ANKS1B: variants seen among roughly 807,000 people sequenced by gnomAD.
ANKS1B encodes the protein ankyrin repeat and sterile alpha motif domain containing 1B.
Under a neutral mutation model 148.3 loss-of-function variants are expected in ANKS1B, and 36 were observed. That is an observed-to-expected ratio of 0.24 (90% confidence interval 0.19 to 0.32). The LOEUF is 0.32. Among genes scored for constraint, ANKS1B ranks in the 10% least tolerant of loss-of-function variants. ANKS1B has a pLI of 1.00. For synonymous variants in ANKS1B, 542 were observed against 560.8 expected (o/e 0.97, Z 0.47); for missense variants, 1,157 against 1,542.6 (o/e 0.75, Z 4.19).
chr12:98,927,591 C>T (rs1403605318), intron 17 of ANKS1B, among the ~76,000 whole-genome samples: 9 of 150,846 alleles, frequency 6.0e-5, no homozygotes, highest in Non-Finnish European at 1.2e-4. Flanking sequence ...ATCATCCAGC[C>T]CAAAATGTCA....
chr12:99,499,535 T>A (rs2096635885), intron 10 of ANKS1B, among the ~76,000 whole-genome samples: 1 of 152,162 alleles, frequency 6.6e-6, no homozygotes. Flanking sequence ...TTAAATTCCC[T>A]CCACTTAAAT....
chr12:98,784,307 T>C (rs1319448157), intron 22 of ANKS1B, among the ~76,000 whole-genome samples: 1 of 151,694 alleles, frequency 6.6e-6, no homozygotes, highest in Non-Finnish European at 1.5e-5. Flanking sequence ...GAAGATGAAA[T>C]CCCAAGGGGT....
intron 8 of ANKS1B, among the ~76,000 whole-genome samples, chr12:99,734,092 T>C (rs1365939235): frequency 6.6e-6 from 1 of 152,188 alleles, no homozygotes; most frequent in Non-Finnish European, 1.5e-5. Context: ...TGCCTCCAAT[T>C]TCTCAGCGAA....
In ANKS1B at chr12:99,902,960, T is replaced by G. The variant is rs528599181; in HGVS notation, c.135-77571A>C. On this transcript the variant is annotated intron_variant, in intron 1 of 26. Transcript: ENST00000683438. The stretch of plus-strand genomic sequence containing the variant: ...GCTGTTGTTGTTTTTAGAGACAGGG[T>G]TCGCCATGTTAGCCAGGCTGGTCTC... Among the ~76,000 whole-genome samples the G allele has an allele frequency of 3.4e-4, 52 of 151,966 alleles. 1 individual carries two copies. In the East Asian group the frequency reaches 9.7e-3, roughly 28 times the overall value.
At chr12:99,915,379 T>G (rs1176992057) in intron 1 of ANKS1B, among the ~76,000 whole-genome samples, 1 of 152,056 alleles carries the variant, frequency 6.6e-6, no homozygotes, top group Non-Finnish European at 1.5e-5. Context: ...ACGTGGATGT[T>G]GAGGGTGCTG....
At chr12:98,964,576 GGATA>G (rs1189577514) in intron 17 of ANKS1B, among the ~76,000 whole-genome samples, 10 of 152,158 alleles carry the variant, frequency 6.6e-5, no homozygotes, top group African/African-American at 2.4e-4. Flanking sequence ...ACAGATGAAT[GGATA>G]AAGAAAATAT....
chr12:98,876,222 G>T (rs2099689332), intron 17 of ANKS1B, among the ~76,000 whole-genome samples: 1 of 152,126 alleles, frequency 6.6e-6, no homozygotes, highest in Non-Finnish European at 1.5e-5. Flanking sequence ...ACCACTGGTT[G>T]CCACAGGCAC....
intron 9 of ANKS1B, among the ~76,000 whole-genome samples, chr12:99,558,718 G>A (rs917560626): frequency 6.6e-6 from 1 of 152,144 alleles, no homozygotes; most frequent in African/African-American, 2.4e-5. Flanking sequence ...AGACAGAGGG[G>A]CACTCAGATT....
intron 9 of ANKS1B, among the ~76,000 whole-genome samples, chr12:99,556,307 T>C (rs2097275372): frequency 6.6e-6 from 1 of 152,168 alleles, no homozygotes; most frequent in Non-Finnish European, 1.5e-5. Context: ...TTGTGTTTAT[T>C]TGGATCTTCT....
chr12:99,301,240 G>A (rs187163415), intron 12 of ANKS1B, among the ~76,000 whole-genome samples: 1 of 152,286 alleles, frequency 6.6e-6, no homozygotes, highest in Admixed American at 6.5e-5. Context: ...TCTTTACTCA[G>A]TGTACTGATT....
intron 19 of ANKS1B, among the ~76,000 whole-genome samples, chr12:98,825,471 CAT>C (rs921129690): frequency 6.6e-6 from 1 of 152,006 alleles, no homozygotes; most frequent in Non-Finnish European, 1.5e-5. Context: ...GCATTCAAAA[CAT>C]AAAGATTTTA....
intron 8 of ANKS1B, among the ~76,000 whole-genome samples, chr12:99,666,860 GT>G (rs1567601209): frequency 3.2e-3 from 283 of 87,278 alleles, no homozygotes; most frequent in Non-Finnish European, 2.8e-3. Context: ...ACTATGGGGT[GT>G]GTGTGTGTGT....
intron 1 of ANKS1B, among the ~76,000 whole-genome samples, chr12:99,959,546 T>C (rs962866823): frequency 3.3e-5 from 5 of 152,284 alleles, no homozygotes; most frequent in Admixed American, 3.3e-4. Context: ...CAAAAAACTT[T>C]AACAGAGGTA....
intron 10 of ANKS1B, among the ~76,000 whole-genome samples, chr12:99,471,018 T>A (rs1190127767): frequency 6.6e-6 from 1 of 152,180 alleles, no homozygotes; most frequent in African/African-American, 2.4e-5. Flanking sequence ...TTACAATTTA[T>A]TTAGACATAC....
chr12:99,981,673 T>C (rs2095704258), intron 1 of ANKS1B, among the ~76,000 whole-genome samples: 1 of 152,132 alleles, frequency 6.6e-6, no homozygotes, highest in African/African-American at 2.4e-5. Context: ...TAAGTGACCA[T>C]GGGCAAGTCC....
At chr12:99,854,216 G>A (rs978675919) in intron 1 of ANKS1B, among the ~76,000 whole-genome samples, 3 of 152,128 alleles carry the variant, frequency 2.0e-5, no homozygotes, top group Non-Finnish European at 4.4e-5. Context: ...GTTTCACTGT[G>A]TTAGCCAGGA....
intron 9 of ANKS1B, 29 bp downstream of exon 9, chr12:99,655,038 A>T (rs761671096): frequency 2.6e-6 from 4 of 1,533,752 alleles, no homozygotes; most frequent in South Asian, 2.6e-5. Flanking sequence ...TTTTTGTTTT[A>T]TTGTACCTTA....
At chr12:98,934,523 T>A (rs1371548541) in intron 17 of ANKS1B, among the ~76,000 whole-genome samples, 1 of 152,150 alleles carries the variant, frequency 6.6e-6, no homozygotes, top group African/African-American at 2.4e-5. Context: ...GGAACTTTGA[T>A]AGGAATTGCA....
At chr12:99,406,084 A>G (rs2094525739) in intron 11 of ANKS1B, among the ~76,000 whole-genome samples, 1 of 145,644 alleles carries the variant, frequency 6.9e-6, no homozygotes, top group Non-Finnish European at 1.5e-5. Flanking sequence ...GAAGACTTCA[A>G]CAACCCACTT....
Sources: gnomAD v4.1 joint callset for allele counts (sites outside exome capture counted in the v4.1 genomes callset) on GRCh38, gnomAD v4.1.1 for gene constraint, MANE v1.5 for transcripts, NCBI Gene and HGNC (gene_info 2026-07-23, HGNC 2026-07-21) for gene names.